Variants in MYO5A observed in about 807,000 individuals in gnomAD.
MYO5A encodes the protein unconventional myosin-Va.
In MYO5A, 98 loss-of-function variants were observed where a neutral mutation model predicts 249.7. That is an observed-to-expected ratio of 0.39 (90% CI 0.33 to 0.46). The LOEUF (loss-of-function observed/expected upper bound fraction) is 0.46, where lower values mean the gene tolerates loss of function less well. Among genes scored for constraint, MYO5A ranks in the 20% least tolerant of loss-of-function variants. MYO5A has a pLI of 0.98. For missense variants in MYO5A, 1,696 were observed against 2,308.8 expected, an observed-to-expected ratio of 0.73 and a Z score of 5.44; for synonymous variants, 778 against 810.6, an observed-to-expected ratio of 0.96 and a Z score of 0.68.
Position 52,499,875 on chromosome 15 carries a change from T to C in MYO5A, c.27+28905A>G, listed in dbSNP as rs528741744. Among the ~76,000 whole-genome samples, 3 of 152,216 alleles carry C rather than the reference T, an allele frequency of 2.0e-5. No individual in the cohort carries two copies. The East Asian group carries it at 5.8e-4, about 29-fold the overall frequency. On this transcript the variant is annotated intron_variant, in intron 1 of 41. Transcript: ENST00000399233. ...GAAGTGAGATTGCTGGATCATATGG[T>C]AATTATCAGTTTAATTTTTTTAGGG...
chr15:52,370,488 G>A (rs2041047189), intron 21 of MYO5A, 71 bp from the exon 22 acceptor site: 1 of 1,476,588 alleles, frequency 6.8e-7, no homozygotes, highest in Non-Finnish European at 9.4e-7. Flanking sequence ...AGAAAACCAT[G>A]TTTATTCATC....
intron 29 of MYO5A, 75 bp from the exon 30 acceptor site, chr15:52,346,536 A>G: frequency 1.1e-6 from 1 of 923,138 alleles, no homozygotes; most frequent in Non-Finnish European, 1.7e-6. Flanking sequence ...TTTATTTGGT[A>G]TAACTGGGGG....
intron 18 of MYO5A, 124 bp downstream of exon 18, chr15:52,379,501 C>A (rs2041620945): frequency 2.5e-6 from 2 of 812,832 alleles, no homozygotes; most frequent in Non-Finnish European, 4.2e-6. Flanking sequence ...GTAGTGTGCC[C>A]CTCTCTGATC....
Position 52,457,420 on chromosome 15 carries a change from CAAAAAAAAA to C in MYO5A, c.28-24144_28-24136del, listed in dbSNP as rs35282872. Among the ~76,000 whole-genome samples the C allele has an allele frequency of 4.6e-5, 4 of 87,178 alleles. 1 individual carries two copies. In the South Asian group the frequency reaches 1.5e-3, roughly 33 times the overall value. 57.2% of individuals were successfully genotyped at this position (87,178 alleles called of 152,430 possible). A position where few individuals can be genotyped will look rare whatever the true frequency, so the allele number is the denominator to read the frequency against. Reference sequence around the variant, plus strand: ...TAAGTGACAGAGTGAGACCCTGTCTCAAAAAAAAAAAAAAAAAAAGTAGACAAAGGATCT... The same window carrying C: ...TAAGTGACAGAGTGAGACCCTGTCTCAAAAAAAAAAGTAGACAAAGGATCT... On this transcript the variant is annotated intron_variant, in intron 1 of 41. Coordinates refer to ENST00000399233, the MANE Select transcript of MYO5A (RefSeq NM_001382347.1).
intron 1 of MYO5A, among the ~76,000 whole-genome samples, chr15:52,527,103 G>A (rs928330626): frequency 6.6e-6 from 1 of 152,202 alleles, no homozygotes; most frequent in Non-Finnish European, 1.5e-5. Context: ...AGCCGTCCTG[G>A]GCCCACATGC....
chr15:52,378,096 T>A (rs1429524798), intron 18 of MYO5A, among the ~76,000 whole-genome samples: 1 of 152,116 alleles, frequency 6.6e-6, no homozygotes, highest in Non-Finnish European at 1.5e-5. Flanking sequence ...CCTGCCTCCA[T>A]CTTTCAGCCT....
chr15:52,476,868 G>C (rs2076605756), intron 1 of MYO5A, among the ~76,000 whole-genome samples: 1 of 151,440 alleles, frequency 6.6e-6, no homozygotes, highest in African/African-American at 2.4e-5. Context: ...ACAATTATGT[G>C]TCTTGGGGTT....
At chr15:52,428,154 G>A (rs1489481699) in intron 3 of MYO5A, among the ~76,000 whole-genome samples, 1 of 152,188 alleles carries the variant, frequency 6.6e-6, no homozygotes, top group Non-Finnish European at 1.5e-5. Context: ...TATGACTTCT[G>A]TAAGGGGAAA....
rs1303980363 is a variant in MYO5A, at chr15:52,528,861, G to A, written c.-55C>T. On this transcript the variant is annotated 5_prime_UTR_variant, in exon 1 of 42. Transcript: ENST00000399233. ...CTGTGCGGAGGCCGCACCTCGCCTG[G>A]GCGGCCGCCCGAGCGGACTAGGAAG... is the stretch of plus-strand genomic sequence containing the variant. 1.6e-5 allele frequency: 23 copies of A among 1,425,732 alleles called. No homozygotes were observed. Among genetic ancestry groups the A allele is most frequent in the Middle Eastern group, 2.4e-4 (1 of 4,118 alleles). 88.3% of individuals were successfully genotyped at this position (1,425,732 alleles called of 1,614,324 possible). A position where few individuals can be genotyped will look rare whatever the true frequency, so the allele number is the denominator to read the frequency against.
intron 9 of MYO5A, among the ~76,000 whole-genome samples, chr15:52,399,005 T>G (rs905222865): frequency 3.3e-5 from 5 of 151,928 alleles, no homozygotes; most frequent in Non-Finnish European, 5.9e-5. Flanking sequence ...AAAAATTTTT[T>G]TCTTAAAATT....
At chr15:52,507,494 T>G (rs747495567) in intron 1 of MYO5A, among the ~76,000 whole-genome samples, 2 of 152,150 alleles carry the variant, frequency 1.3e-5, no homozygotes, top group Non-Finnish European at 2.9e-5. Context: ...TGTACATAGC[T>G]GATGTCCTAA....
chr15:52,422,957 T>A (rs2075311867), intron 4 of MYO5A, among the ~76,000 whole-genome samples: 1 of 152,084 alleles, frequency 6.6e-6, no homozygotes. Flanking sequence ...CAATCGTAGA[T>A]CACTGTAATC....
intron 14 of MYO5A, 109 bp from the exon 15 acceptor site, chr15:52,384,431 G>A: frequency 9.0e-7 from 1 of 1,111,722 alleles, no homozygotes; most frequent in South Asian, 1.3e-5. Flanking sequence ...CACTGTCAGA[G>A]TCACACTCCA....
In MYO5A at chr15:52,374,023, G is replaced by GAGACCC. The variant is rs1389243331; in HGVS notation, c.2577+1275_2577+1280dup. On this transcript the variant is annotated intron_variant, in intron 20 of 41. Coordinates refer to ENST00000399233, the MANE Select transcript of MYO5A (RefSeq NM_001382347.1). Reference sequence around the variant, plus strand: ...CACACCCATATACTGTCTGTGCTTAGAGACCCAAATCACCCCATTAATGCT... The same window carrying GAGACCC: ...CACACCCATATACTGTCTGTGCTTAGAGACCCAGACCCAAATCACCCCATTAATGCT... Among the ~76,000 whole-genome samples, 5 of 152,072 alleles carry GAGACCC rather than the reference G, an allele frequency of 3.3e-5. No individual in the cohort carries two copies. The East Asian group carries it at 9.6e-4, about 29-fold the overall frequency.
At chr15:52,410,779 T>TGTTGGCCAGGCTA (rs2043214230) in intron 5 of MYO5A, among the ~76,000 whole-genome samples, 1 of 152,024 alleles carries the variant, frequency 6.6e-6, no homozygotes, top group South Asian at 2.1e-4. Context: ...GGTTTCACCA[T>TGTTGGCCAGGCTA]GTTGGCCAGG....
At chr15:52,526,940 T>G (rs1328292807) in intron 1 of MYO5A, among the ~76,000 whole-genome samples, 2 of 152,182 alleles carry the variant, frequency 1.3e-5, no homozygotes, top group Non-Finnish European at 2.9e-5. Context: ...GTCCAATCTT[T>G]TGGCTTCCCT....
At chr15:52,447,576 A>C (rs1402108584) in intron 1 of MYO5A, among the ~76,000 whole-genome samples, 2 of 152,192 alleles carry the variant, frequency 1.3e-5, no homozygotes, top group Non-Finnish European at 2.9e-5. Context: ...GCAGAGGTTC[A>C]AACAGTTTGG....
At chr15:52,438,974 T>C (rs1174027333) in intron 1 of MYO5A, among the ~76,000 whole-genome samples, 1 of 152,260 alleles carries the variant, frequency 6.6e-6, no homozygotes. Context: ...CTGCTCCCGA[T>C]AGGGCTACAG....
At chr15:52,366,629 C>CAAAAAAAAAA (rs60631867) in intron 23 of MYO5A, among the ~76,000 whole-genome samples, 12 of 74,564 alleles carry the variant, frequency 1.6e-4, no homozygotes, top group East Asian at 3.5e-4. Context: ...ATTGATTTAG[C>CAAAAAAAAAA]AAAAAAAAAA....
Sources: gnomAD v4.1 joint callset for allele counts (sites outside exome capture counted in the v4.1 genomes callset) on GRCh38, gnomAD v4.1.1 for gene constraint, MANE v1.5 for transcripts, NCBI Gene and HGNC (gene_info 2026-07-23, HGNC 2026-07-21) for gene names.